The following RELB variants were observed in gnomAD, a reference collection of about 807,000 sequenced individuals.
RELB encodes RELB proto-oncogene, NF-kB subunit.
RELB carries 14 observed loss-of-function variants against 55.4 expected under a neutral mutation model. The observed-to-expected ratio is 0.25, with a 90% CI of 0.17 to 0.40. The LOEUF (loss-of-function observed/expected upper bound fraction) is 0.40. RELB is among the 10% of genes least tolerant of loss of function. RELB has a pLI of 1.00. For missense variants in RELB, 669 were observed against 830.7 expected, an observed-to-expected ratio of 0.81 and a Z score of 2.39; for synonymous variants, 409 against 371.3, an observed-to-expected ratio of 1.10 and a Z score of -1.17.
chr19:45,028,348 TTTTG>T (rs1036453025), intron 7 of RELB, among the ~76,000 whole-genome samples: 33 of 151,604 alleles, frequency 2.2e-4, no homozygotes, highest in African/African-American at 3.1e-4. Context: ...TTTGTTATTT[TTTTG>T]TTTGTTTGTT....
chr19:45,038,129 G>A lies in RELB; in HGVS notation c.*339G>A. 2 of 251,174 alleles carry A rather than the reference G, an allele frequency of 8.0e-6. No homozygotes were observed. The highest frequency in any genetic ancestry group is 7.6e-6 in the Non-Finnish European group (1 of 132,266). The allele number at this position is 251,174 out of a possible 1,614,324, so 15.6% of individuals were successfully genotyped here. Reference sequence around the variant, plus strand: ...GCAGATTCCTGGCCCTCCCTCCCCAGACTTGAAGGTGGGGGGTAGGTTGGT... The same window carrying A: ...GCAGATTCCTGGCCCTCCCTCCCCAAACTTGAAGGTGGGGGGTAGGTTGGT... On this transcript the variant is annotated 3_prime_UTR_variant, in exon 12 of 12. Transcript: ENST00000221452.
chr19:45,026,783 C>A (rs1055497077), intron 7 of RELB, among the ~76,000 whole-genome samples: 1 of 152,074 alleles, frequency 6.6e-6, no homozygotes, highest in Non-Finnish European at 1.5e-5. Flanking sequence ...TCTGGGAAAG[C>A]AAGTGCTTAG....
Position 45,034,241 on chromosome 19 carries a change from C to T in RELB, c.1208-3C>T, listed in dbSNP as rs768168670. The T allele has an allele frequency of 2.5e-6, 4 of 1,612,612 alleles. No homozygotes were observed. Among genetic ancestry groups the T allele is most frequent in the East Asian group, 2.2e-5 (1 of 44,884 alleles). On this transcript the variant is annotated splice_polypyrimidine_tract_variant and splice_region_variant and intron_variant, in intron 9 of 11. Transcript: ENST00000221452. ...TTGTGTGTCCCTGGTATCTCCTTAA[C>T]AGACAGCTACGGCGTGGACAAGAAG...
At chr19:45,015,736 A>G (rs913811766) in intron 4 of RELB, among the ~76,000 whole-genome samples, 5 of 101,282 alleles carry the variant, frequency 4.9e-5, no homozygotes, top group African/African-American at 1.9e-4. Flanking sequence ...TGCTATCTCA[A>G]AAAAAAAAAA....
chr19:45,012,001 G>A lies in RELB; in HGVS notation c.229G>A (p.Glu77Lys). The A allele has an allele frequency of 6.3e-7, 1 of 1,577,066 alleles. No homozygotes were observed. Among genetic ancestry groups the A allele is most frequent in the Admixed American group, 1.8e-5 (1 of 54,484 alleles). Reference protein sequence around the residue: ...GLDGGQPGPGEGLPRLVSRGA... With the variant: ...GLDGGQPGPGKGLPRLVSRGA... ...GGACGGGGGACAGCCGGGCCCGGGC[G>A]AGGGGCTGCCACGCCTGGTGTCTCG... Residue 77 changes from glutamate to lysine, a missense_variant, in exon 4 of 12, where the codon GAG becomes AAG. This residue lies in a region of RELB where 323 missense variants were observed against 368.5 expected (regional missense o/e 0.88). Coordinates refer to ENST00000221452, the MANE Select transcript of RELB (RefSeq NM_006509.4).
At chr19:45,003,634 CTGTGTGAA>C in intron 2 of RELB, 1 of 516,708 alleles carries the variant, frequency 1.9e-6, no homozygotes, top group South Asian at 1.4e-5. Context: ...TCGCCCCTCC[CTGTGTGAA>C]TGTCTGCAAG....
At chr19:45,034,554 C>T in intron 11 of RELB, 26 bp downstream of exon 11, 1 of 1,569,892 alleles carries the variant, frequency 6.4e-7, no homozygotes, top group Non-Finnish European at 8.6e-7. Flanking sequence ...ACATAAGCCC[C>T]TGTCCCCTGG....
chr19:45,011,992 G>T lies in RELB; in HGVS notation c.220G>T (p.Gly74Cys). The T allele has an allele frequency of 6.3e-7, 1 of 1,579,510 alleles. No homozygotes were observed. Among genetic ancestry groups the T allele is most frequent in the East Asian group, 2.4e-5 (1 of 41,742 alleles). The change falls in exon 4 of 12, where the codon GGC becomes TGC. Residue 74 changes from glycine (G) to cysteine (C), a missense_variant. This residue lies in a region of RELB where 323 missense variants were observed against 368.5 expected (regional missense o/e 0.88). Transcript: ENST00000221452. ...CTTCGGCCTGGACGGGGGACAGCCG[G>T]GCCCGGGCGAGGGGCTGCCACGCCT... is the stretch of plus-strand genomic sequence containing the variant. ...NGFGLDGGQPGPGEGLPRLVS... is the reference protein window; with the variant it reads ...NGFGLDGGQPCPGEGLPRLVS...
intron 4 of RELB, among the ~76,000 whole-genome samples, chr19:45,016,618 A>G (rs1234958050): frequency 6.6e-6 from 1 of 152,030 alleles, no homozygotes; most frequent in Non-Finnish European, 1.5e-5. Flanking sequence ...GTTATGGGAA[A>G]CTCCAGCCTG....
chr19:45,013,746 C>A (rs1202186305), intron 4 of RELB, among the ~76,000 whole-genome samples: 1 of 151,962 alleles, frequency 6.6e-6, no homozygotes, highest in Non-Finnish European at 1.5e-5. Flanking sequence ...GCAGAAGAAT[C>A]ACTTGAATCC....
chr19:45,025,485 C>G lies in RELB; in HGVS notation c.754+65C>G, dbSNP rs1004417556. ...AAACCCCTTGACTTCCGTGCTCACC[C>G]TGGTCCCCTCACCACTCCAGGCCCC... On this transcript the variant is annotated intron_variant, in intron 6 of 11. Coordinates refer to ENST00000221452, the MANE Select transcript of RELB (RefSeq NM_006509.4). 7 of 1,560,386 alleles carry G rather than the reference C, an allele frequency of 4.5e-6. No homozygotes were observed. The East Asian group carries it at 1.1e-4, about 26-fold the overall frequency.
At chr19:45,024,590 G>A (rs1047035099) in intron 5 of RELB, among the ~76,000 whole-genome samples, 10 of 150,596 alleles carry the variant, frequency 6.6e-5, no homozygotes, top group Non-Finnish European at 1.5e-4. Context: ...TTGCTCTGTC[G>A]CCAGGCTGAA....
At chr19:45,032,362 T>G (rs958167483) in intron 8 of RELB, 172 bp from the exon 9 acceptor site, 17 of 569,560 alleles carry the variant, frequency 3.0e-5, no homozygotes, top group Non-Finnish European at 5.1e-5. Flanking sequence ...GAGGTTGCAG[T>G]GAGCTGAGAT....
chr19:45,004,370 G>C (rs1463626184), intron 2 of RELB, among the ~76,000 whole-genome samples: 1 of 150,700 alleles, frequency 6.6e-6, no homozygotes. Flanking sequence ...TTACAGTCAT[G>C]TGCCACCACG....
intron 4 of RELB, among the ~76,000 whole-genome samples, chr19:45,013,860 G>A (rs1381824650): frequency 6.6e-6 from 1 of 151,926 alleles, no homozygotes; most frequent in Non-Finnish European, 1.5e-5. Context: ...AAGAAAAAAA[G>A]AATATCCCAC....
chr19:45,025,276 G>A (rs1438968624), intron 5 of RELB, 53 bp from the exon 6 acceptor site: 1 of 1,323,156 alleles, frequency 7.6e-7, no homozygotes. Flanking sequence ...GCAGGTTAGG[G>A]CCACACTTGC....
intron 7 of RELB, among the ~76,000 whole-genome samples, chr19:45,028,399 G>T (rs535698051): frequency 2.0e-5 from 3 of 151,968 alleles, no homozygotes; most frequent in Non-Finnish European, 4.4e-5. Flanking sequence ...TGTCACGATG[G>T]AGTGCAGTGG....
intron 8 of RELB, among the ~76,000 whole-genome samples, chr19:45,031,254 G>C (rs555050283): frequency 1.3e-5 from 2 of 151,754 alleles, no homozygotes; most frequent in East Asian, 3.9e-4. Context: ...CTCTTAAATA[G>C]CTGGGACCAC....
At chr19:45,023,631 G>T (rs1971518793) in intron 5 of RELB, among the ~76,000 whole-genome samples, 1 of 150,998 alleles carries the variant, frequency 6.6e-6, no homozygotes, top group African/African-American at 2.4e-5. Context: ...GTACAGACGG[G>T]GTTTCGCCGT....
Sources: allele counts gnomAD v4.1 joint callset (sites outside exome capture counted in the v4.1 genomes callset), GRCh38; gene constraint gnomAD v4.1.1; regional missense constraint gnomAD v4.1.1; transcripts MANE v1.5; gene names NCBI Gene and HGNC (gene_info 2026-07-23, HGNC 2026-07-21).